CLN8: variants seen among roughly 807,000 people sequenced by gnomAD.
CLN8 encodes the protein CLN8 transmembrane ER and ERGIC protein, also known as protein CLN8.
CLN8 carries 14 observed loss-of-function variants against 15.7 expected under a neutral mutation model. The observed-to-expected ratio is 0.89, with a 90% CI of 0.59 to 1.39. CLN8 has a LOEUF of 1.39. CLN8 is among the 40% of genes most tolerant of loss of function. CLN8 has a pLI of 0.00. For synonymous variants in CLN8, 188 were observed against 151.0 expected (o/e 1.25, Z -1.80); for missense variants, 415 against 364.0 (o/e 1.14, Z -1.14).
At position 1,780,827 on chromosome 8, in the gene CLN8, A is replaced by C. The variant is rs953722536; in HGVS notation, c.*260A>C. The C allele has an allele frequency of 3.6e-6, 2 of 556,868 alleles. No homozygotes were observed. Among genetic ancestry groups the C allele is most frequent in the East Asian group, 3.0e-5 (1 of 33,328 alleles). 34.5% of individuals were successfully genotyped at this position (556,868 alleles called of 1,614,324 possible). A position where few individuals can be genotyped will look rare whatever the true frequency, so the allele number is the denominator to read the frequency against. ...TGTCAAGCATCTAGGAGAGGAGTCC[A>C]TGGTGTCCAGGCATCGGGGCGTCAC... is the stretch of plus-strand genomic sequence containing the variant. On this transcript the variant is annotated 3_prime_UTR_variant, in exon 3 of 3. Transcript: ENST00000331222.
chr8:1,774,460 G>T (rs536636240), intron 2 of CLN8, among the ~76,000 whole-genome samples: 5 of 152,268 alleles, frequency 3.3e-5, no homozygotes, highest in African/African-American at 1.2e-4. Flanking sequence ...GAAATTCTTT[G>T]AAATTCTTTT....
chr8:1,767,211 T>G (rs1291972544), intron 1 of CLN8, among the ~76,000 whole-genome samples: 1 of 152,202 alleles, frequency 6.6e-6, no homozygotes, highest in Non-Finnish European at 1.5e-5. Flanking sequence ...AGCACCAGCT[T>G]ACCCAGAAAG....
At chr8:1,759,894 A>G (rs1484158696), upstream of CLN8, 3 of 152,198 alleles carry the variant, frequency 2.0e-5, no homozygotes, top group African/African-American at 7.2e-5. Context: ...CATCCCTTTG[A>G]GGACACCGTC....
rs560256319 is a variant in CLN8, at chr8:1,781,357, C to G, written c.*790C>G. ...CTCCAGCCTGGGTGACAGAGCAAGA[C>G]TCTCTCTCAAAAAAAAAAAAAAAAA... On this transcript the variant is annotated 3_prime_UTR_variant, in exon 3 of 3. Coordinates refer to ENST00000331222, the MANE Select transcript of CLN8 (RefSeq NM_018941.4). 7.1e-6 allele frequency: 1 copy of G among 140,368 alleles called. No homozygotes were observed. The highest frequency in any genetic ancestry group is 2.7e-5 in the African/African-American group (1 of 37,010). The allele number at this position is 140,368 out of a possible 1,614,324, so 8.7% of individuals were successfully genotyped here. A position where few individuals can be genotyped will look rare whatever the true frequency, so the allele number is the denominator to read the frequency against.
intron 2 of CLN8, among the ~76,000 whole-genome samples, chr8:1,779,618 T>C (rs1022539461): frequency 2.8e-4 from 42 of 152,180 alleles, no homozygotes; most frequent in African/African-American, 9.9e-4. Flanking sequence ...TGCCATAGAC[T>C]AGGCAGCTGG....
chr8:1,759,142 G>C (rs901472697), upstream of CLN8: 1 of 152,194 alleles, frequency 6.6e-6, no homozygotes, highest in Non-Finnish European at 1.5e-5. Flanking sequence ...GTTAATGCAG[G>C]TCAGCTGTGC....
At chr8:1,753,333 G>A (rs1800595788), upstream of CLN8, among the ~76,000 whole-genome samples, 1 of 152,140 alleles carries the variant, frequency 6.6e-6, no homozygotes, top group Non-Finnish European at 1.5e-5. Context: ...CACTTTGGGA[G>A]GCTGAGGTGG....
At chr8:1,779,742 C>G (rs1339782620) in intron 2 of CLN8, among the ~76,000 whole-genome samples, 1 of 152,172 alleles carries the variant, frequency 6.6e-6, no homozygotes, top group South Asian at 2.1e-4. Context: ...CACCTTCTGG[C>G]TGTGTCCTAG....
intron 2 of CLN8, among the ~76,000 whole-genome samples, chr8:1,775,661 G>A (rs1801482748): frequency 6.6e-6 from 1 of 152,228 alleles, no homozygotes; most frequent in African/African-American, 2.4e-5. Context: ...TGAGGGAATG[G>A]TGAGTGAATA....
In CLN8 at chr8:1,771,067, A is replaced by G; in HGVS notation, c.13A>G (p.Ser5Gly). ...ATAGCTGTGGACAATGAATCCTGCG[A>G]GCGATGGGGGCACATCAGAGAGCAT... MNPA[S>G]DGGTSESIFD... The change falls in exon 2 of 3, where the codon AGC becomes GGC. Residue 5 changes from serine to glycine, a missense_variant. Transcript: ENST00000331222. 6.2e-7 allele frequency: 1 copy of G among 1,614,042 alleles called. No homozygotes were observed. The highest frequency in any genetic ancestry group is 8.5e-7 in the Non-Finnish European group (1 of 1,180,022).
In CLN8 at chr8:1,771,251, T is replaced by A; in HGVS notation, c.197T>A (p.Leu66Gln). 1 of 1,613,576 alleles carries A rather than the reference T, an allele frequency of 6.2e-7. No homozygotes were observed. Reference protein sequence around the residue: ...LVAREKVFWDLAATRAVFGVQ... With the variant: ...LVAREKVFWDQAATRAVFGVQ... ...GCCAGAGAGAAGGTCTTCTGGGACC[T>A]GGCGGCCACGCGTGCAGTCTTTGGT... is the stretch of plus-strand genomic sequence containing the variant. Residue 66 changes from leucine (L) to glutamine (Q), a missense_variant, in exon 2 of 3, where the codon CTG (leucine) becomes CAG (glutamine). Leu to Gln is a moderately radical substitution (Grantham distance 113). Coordinates refer to ENST00000331222, the MANE Select transcript of CLN8 (RefSeq NM_018941.4).
intron 1 of CLN8, chr8:1,758,063 C>CAG (rs1208390127): frequency 2.0e-5 from 3 of 151,978 alleles, no homozygotes; most frequent in Admixed American, 1.3e-4. Flanking sequence ...AAGACAGCAT[C>CAG]AGAGCCCTTT....
At chr8:1,755,039 G>A (rs971033628), upstream of CLN8, among the ~76,000 whole-genome samples, 1 of 152,144 alleles carries the variant, frequency 6.6e-6, no homozygotes, top group African/African-American at 2.4e-5. Flanking sequence ...GATCTGCTGG[G>A]GCTGCCAGAT....
intron 2 of CLN8, chr8:1,772,923 G>C (rs1159291191): frequency 5.0e-6 from 2 of 398,576 alleles, no homozygotes; most frequent in East Asian, 7.1e-5. Flanking sequence ...CTTGTCTACA[G>C]GAGACTGGTA....
rs1265522279 is a variant in CLN8, at chr8:1,780,573, C to G, written c.*6C>G. 1 of 1,611,522 alleles carries G rather than the reference C, an allele frequency of 6.2e-7. No individual in the cohort carries two copies. The highest frequency in any genetic ancestry group is 2.2e-5 in the East Asian group (1 of 44,836). ...TGCGGAAGAAGAGGCCATAGCTGCTCCAGCCGGGGCTCCGGGGCGGCAGCA... is the reference window on the plus strand; with the variant it reads ...TGCGGAAGAAGAGGCCATAGCTGCTGCAGCCGGGGCTCCGGGGCGGCAGCA... On this transcript the variant is annotated 3_prime_UTR_variant, in exon 3 of 3. Transcript: ENST00000331222.
rs1381739185 is a variant in CLN8, at chr8:1,780,878, G to A, written c.*311G>A. 2.2e-6 allele frequency: 1 copy of A among 457,588 alleles called. No homozygotes were observed. Among genetic ancestry groups the A allele is most frequent in the Non-Finnish European group, 3.9e-6 (1 of 254,832 alleles). 28.3% of individuals were successfully genotyped at this position (457,588 alleles called of 1,614,324 possible). ...ACCTGTTGAGGAGTGGGGTGGCTTTGAATGCTGGAAATGGCTTCATAGTGA... is the reference window on the plus strand; with the variant it reads ...ACCTGTTGAGGAGTGGGGTGGCTTTAAATGCTGGAAATGGCTTCATAGTGA... On this transcript the variant is annotated 3_prime_UTR_variant, in exon 3 of 3. Transcript: ENST00000331222.
rs190665678 is a variant in CLN8 at position 1,783,314 on chromosome 8, C to T, written c.*2747C>T. Reference sequence around the variant, plus strand: ...ATTGAGAGTTACAGCAAGTGTTAAACGAGGTGAGTTCACATAACAGGAATT... The same window carrying T: ...ATTGAGAGTTACAGCAAGTGTTAAATGAGGTGAGTTCACATAACAGGAATT... On this transcript the variant is annotated 3_prime_UTR_variant, in exon 3 of 3. Coordinates refer to ENST00000331222, the MANE Select transcript of CLN8 (RefSeq NM_018941.4). 7 of 152,346 alleles carry T rather than the reference C, an allele frequency of 4.6e-5. No individual in the cohort carries two copies. The highest frequency in any genetic ancestry group is 1.2e-4 in the African/African-American group (5 of 41,560). 9.4% of individuals were successfully genotyped at this position (152,346 alleles called of 1,614,324 possible). A position where few individuals can be genotyped will look rare whatever the true frequency, so the allele number is the denominator to read the frequency against.
intron 1 of CLN8, among the ~76,000 whole-genome samples, chr8:1,758,016 A>T (rs1048281230): frequency 6.6e-6 from 1 of 152,256 alleles, no homozygotes; most frequent in East Asian, 1.9e-4. Context: ...CCAAGGTCAC[A>T]CAGCCAGCAG....
intron 1 of CLN8, among the ~76,000 whole-genome samples, chr8:1,769,491 G>A (rs1221893352): frequency 6.6e-6 from 1 of 152,148 alleles, no homozygotes; most frequent in Non-Finnish European, 1.5e-5. Context: ...CCTGCTGTCT[G>A]TTCGCTGGGT....
Sources: gnomAD v4.1 joint callset for allele counts (sites outside exome capture counted in the v4.1 genomes callset) on GRCh38, gnomAD v4.1.1 for gene constraint, MANE v1.5 for transcripts, NCBI Gene and HGNC (gene_info 2026-07-23, HGNC 2026-07-21) for gene names.